BCAS3: variants seen among roughly 807,000 people sequenced by gnomAD.
BCAS3 encodes the protein BCAS3 microtubule associated cell migration factor, also known as BCAS4/BCAS3 fusion.
BCAS3 carries 53 observed loss-of-function variants against 116.1 expected under a neutral mutation model. The ratio of observed to expected loss-of-function variants is 0.46; its 90% confidence interval spans 0.37 to 0.57. The LOEUF is 0.57. Among genes scored for constraint, BCAS3 ranks in the 20% least tolerant of loss-of-function variants. The pLI is 0.00. For synonymous variants in BCAS3, 391 were observed against 408.2 expected (o/e 0.96, Z 0.51); for missense variants, 917 against 1,165.4 (o/e 0.79, Z 3.10).
chr17:61,360,800 T>A (rs1231880095), intron 22 of BCAS3, among the ~76,000 whole-genome samples: 1 of 152,124 alleles, frequency 6.6e-6, no homozygotes, highest in Non-Finnish European at 1.5e-5. Flanking sequence ...CGTGGTGGGG[T>A]GGAACACCAT....
intron 20 of BCAS3, 106 bp downstream of exon 20, chr17:61,075,126 G>T: frequency 1.2e-6 from 1 of 809,764 alleles, no homozygotes; most frequent in Non-Finnish European, 1.9e-6. Flanking sequence ...ACTCTTTATT[G>T]GATTATCAAG....
intron 7 of BCAS3, among the ~76,000 whole-genome samples, chr17:60,846,160 G>A (rs188014816): frequency 6.6e-6 from 1 of 152,138 alleles, no homozygotes; most frequent in Non-Finnish European, 1.5e-5. Flanking sequence ...AAACTCCTGG[G>A]CTCAAGTGAT....
rs563586529 is a variant in BCAS3 at position 60,880,320 on chromosome 17, C to T, written c.661+5582C>T. Among the ~76,000 whole-genome samples, 173 of 151,696 alleles carry T rather than the reference C, an allele frequency of 1.1e-3. 1 individual carries two copies. Among genetic ancestry groups the T allele is most frequent in the African/African-American group, 3.9e-3 (162 of 41,350 alleles). ...TTTGTGTTTTTTTGAGATGGAGTCT[C>T]GCTCTGTCGCCAGGCTGGAGTGCTG... On this transcript the variant is annotated intron_variant, in intron 9 of 23. Coordinates refer to ENST00000407086, the MANE Select transcript of BCAS3 (RefSeq NM_017679.5).
chr17:60,986,747 A>T (rs1489154923), intron 14 of BCAS3: 1 of 152,060 alleles, frequency 6.6e-6, no homozygotes, highest in Non-Finnish European at 1.5e-5. Flanking sequence ...CCCTTGTCAG[A>T]TGGACAGTTT....
intron 22 of BCAS3, among the ~76,000 whole-genome samples, chr17:61,183,035 A>G (rs2079566786): frequency 6.6e-6 from 1 of 152,168 alleles, no homozygotes; most frequent in African/African-American, 2.4e-5. Context: ...CTGATTCTTA[A>G]GTTGTTTAAG....
rs144236147 is a variant in BCAS3, at chr17:61,028,043, T to G, written c.1638-6623T>G. ...AATACTGAAAAGAGTTCTGCACATA[T>G]GTGTAGTTCTCATAACTGCTAAATG... is the stretch of plus-strand genomic sequence containing the variant. On this transcript the variant is annotated intron_variant, in intron 16 of 23. Transcript: ENST00000407086. This position sits in a 1 kb window ranked among gnomAD's most constrained non-coding sequence, Gnocchi z 4.3. Among the ~76,000 whole-genome samples the G allele has an allele frequency of 2.3e-3, 352 of 152,058 alleles. 2 individuals carry two copies. Among genetic ancestry groups the G allele is most frequent in the African/African-American group, 7.4e-3 (309 of 41,558 alleles).
intron 22 of BCAS3, among the ~76,000 whole-genome samples, chr17:61,310,872 T>C (rs2054253891): frequency 6.6e-6 from 1 of 152,168 alleles, no homozygotes; most frequent in South Asian, 2.1e-4. Flanking sequence ...AGAATGCCGA[T>C]GAGGATCTTC....
rs1184391466 is a variant in BCAS3 at position 61,019,844 on chromosome 17, CTT to C, written c.1637+3947_1637+3948del. Among the ~76,000 whole-genome samples, 1 of 152,142 alleles carries C rather than the reference CTT, an allele frequency of 6.6e-6. No homozygotes were observed. Among genetic ancestry groups the C allele is most frequent in the African/African-American group, 2.4e-5 (1 of 41,442 alleles). ...ATGAGAGTTTTCATTTTCCATGTCT[CTT>C]TTTATTCTGGAAATTCTCATTTACT... On this transcript the variant is annotated intron_variant, in intron 16 of 23. Coordinates refer to ENST00000407086, the MANE Select transcript of BCAS3 (RefSeq NM_017679.5). This position sits in a 1 kb window ranked among gnomAD's most constrained non-coding sequence, Gnocchi z 5.6.
Position 61,083,731 on chromosome 17 carries a change from G to A in BCAS3, c.2328-736G>A, listed in dbSNP as rs1377084199. On this transcript the variant is annotated intron_variant, in intron 21 of 23. Coordinates refer to ENST00000407086, the MANE Select transcript of BCAS3 (RefSeq NM_017679.5). This position sits in a 1 kb window ranked among gnomAD's most constrained non-coding sequence, Gnocchi z 4.9. Reference sequence around the variant, plus strand: ...CTGCCTCAGCCTCTTGAGTAGCTGGGACTATAGGTGCATGCCACCACACCC... The same window carrying A: ...CTGCCTCAGCCTCTTGAGTAGCTGGAACTATAGGTGCATGCCACCACACCC... Among the ~76,000 whole-genome samples the A allele has an allele frequency of 6.6e-6, 1 of 151,952 alleles. No individual in the cohort carries two copies. Among genetic ancestry groups the A allele is most frequent in the African/African-American group, 2.4e-5 (1 of 41,376 alleles).
Position 61,131,669 on chromosome 17 carries a change from G to A in BCAS3, c.2425+47105G>A, listed in dbSNP as rs1415907683. Among the ~76,000 whole-genome samples the A allele has an allele frequency of 6.6e-6, 1 of 152,172 alleles. No individual in the cohort carries two copies. Among genetic ancestry groups the A allele is most frequent in the Non-Finnish European group, 1.5e-5 (1 of 68,034 alleles). On this transcript the variant is annotated intron_variant, in intron 22 of 23. Coordinates refer to ENST00000407086, the MANE Select transcript of BCAS3 (RefSeq NM_017679.5). The surrounding 1 kb of genome is among the most constrained non-coding windows in gnomAD (Gnocchi z 4.4). ...AGCCTGTAGTGGTCTGCACTTCTCT[G>A]TTTTTCTTTCCCTGAGAGTGCTGAT...
rs775148600 is a variant in BCAS3, at chr17:61,367,293, T to C, written c.2426-1034T>C. Among the ~76,000 whole-genome samples the C allele has an allele frequency of 5.9e-5, 9 of 152,266 alleles. No individual in the cohort carries two copies. The highest frequency in any genetic ancestry group is 1.2e-4 in the Non-Finnish European group (8 of 68,044). On this transcript the variant is annotated intron_variant, in intron 22 of 23. Transcript: ENST00000407086. This position sits in a 1 kb window ranked among gnomAD's most constrained non-coding sequence, Gnocchi z 6.2. ...TTACCTAATCGCTGGGGAAATGGTA[T>C]GTGCTTAAAGCAACAGAGCGTGACT...
intron 14 of BCAS3, among the ~76,000 whole-genome samples, chr17:60,978,276 G>GT (rs1368917296): frequency 1.4e-5 from 2 of 139,774 alleles, no homozygotes; most frequent in Non-Finnish European, 3.0e-5. Flanking sequence ...TTTTTCATGT[G>GT]TTTTTTGGCT....
intron 7 of BCAS3, among the ~76,000 whole-genome samples, chr17:60,868,215 C>T (rs1407215213): frequency 6.6e-6 from 1 of 151,726 alleles, no homozygotes; most frequent in Non-Finnish European, 1.5e-5. Flanking sequence ...TTAGTGGGGG[C>T]AGGGTTTCAC....
intron 5 of BCAS3, among the ~76,000 whole-genome samples, chr17:60,730,684 A>G (rs1418847983): frequency 6.6e-6 from 1 of 152,196 alleles, no homozygotes; most frequent in Admixed American, 6.5e-5. Flanking sequence ...AGTTTTTAAA[A>G]TTGTGGAGGC....
chr17:60,986,622 T>C (rs1466221249), intron 14 of BCAS3, among the ~76,000 whole-genome samples: 1 of 152,228 alleles, frequency 6.6e-6, no homozygotes, highest in African/African-American at 2.4e-5. Flanking sequence ...TTTGTATACT[T>C]GTTTGCCATT....
chr17:61,240,435 G>A (rs996274993), intron 22 of BCAS3, among the ~76,000 whole-genome samples: 3 of 152,144 alleles, frequency 2.0e-5, no homozygotes, highest in Non-Finnish European at 4.4e-5. Flanking sequence ...TGGATCACTT[G>A]AGGCCAGGAG....
intron 12 of BCAS3, among the ~76,000 whole-genome samples, chr17:60,918,018 A>G (rs995576458): frequency 5.9e-5 from 9 of 152,278 alleles, no homozygotes; most frequent in African/African-American, 1.2e-4. Context: ...TGGTAATTCT[A>G]TATTTAATTT....
chr17:60,836,726 G>A (rs548182184), intron 7 of BCAS3, among the ~76,000 whole-genome samples: 145 of 152,204 alleles, frequency 9.5e-4, no homozygotes, highest in African/African-American at 3.3e-3. Context: ...ATTATGAGTT[G>A]TCATATGGTA....
chr17:60,703,846 G>A (rs1465886871), intron 4 of BCAS3, among the ~76,000 whole-genome samples: 1 of 151,134 alleles, frequency 6.6e-6, no homozygotes, highest in Admixed American at 6.6e-5. Flanking sequence ...CCCGAGAGGC[G>A]GAGCTTGTAG....
Sources: gnomAD v4.1 joint callset for allele counts (sites outside exome capture counted in the v4.1 genomes callset) on GRCh38, gnomAD v4.1.1 for gene constraint, Gnocchi (gnomAD v3.1) non-coding constraint, MANE v1.5 for transcripts, NCBI Gene and HGNC (gene_info 2026-07-23, HGNC 2026-07-21) for gene names.